PSMD5: variants seen among roughly 807,000 people sequenced by gnomAD.
The protein encoded by PSMD5 is 26S proteasome non-ATPase regulatory subunit 5.
Under a neutral mutation model 52.1 loss-of-function variants are expected in PSMD5, and 40 were observed. The ratio of observed to expected loss-of-function variants is 0.77; its 90% CI spans 0.60 to 1.00. The LOEUF is 1.00. Ranked by LOEUF, PSMD5 falls within the 50% of genes least tolerant of loss-of-function variation. The pLI is 0.00. For missense variants in PSMD5, 575 were observed against 605.2 expected (o/e 0.95, Z 0.52); for synonymous variants, 211 against 226.6 (o/e 0.93, Z 0.62).
At chr9:120,834,655 C>T (rs746384183) in intron 1 of PSMD5, among the ~76,000 whole-genome samples, 1 of 152,206 alleles carries the variant, frequency 6.6e-6, no homozygotes, top group African/African-American at 2.4e-5. Context: ...AAAAGATGCA[C>T]AGAAGCCAGA....
intron 6 of PSMD5, chr9:120,825,073 A>C (rs908415595): frequency 5.7e-5 from 9 of 159,132 alleles, no homozygotes; most frequent in Non-Finnish European, 1.1e-4. Context: ...AATTTCTGGA[A>C]GTGTTCAAGA....
Position 120,829,151 on chromosome 9 carries a change from C to T in PSMD5, c.619G>A (p.Gly207Arg). ...TCTCTCAGGAGCTGGGTTACCAATC[C>T]ACTTGTGGTACAGTAGTTTAAAGAT... is the stretch of plus-strand genomic sequence containing the variant. ...PESLNYCTTS[G>R]LVTQLLRELT... The change falls in exon 5 of 10, where the codon GGA (glycine) becomes AGA (arginine). Residue 207 changes from glycine (G) to arginine (R), a missense_variant. Gly to Arg is a moderately radical substitution (Grantham distance 125). Transcript: ENST00000210313. 1 of 1,608,588 alleles carries T rather than the reference C, an allele frequency of 6.2e-7. No homozygotes were observed. Among genetic ancestry groups the T allele is most frequent in the South Asian group, 1.1e-5 (1 of 90,184 alleles).
rs1435328184 is a variant in PSMD5 at position 120,817,605 on chromosome 9, T to C, written c.*301A>G. 3.4e-6 allele frequency: 1 copy of C among 290,840 alleles called. No individual in the cohort carries two copies. Among genetic ancestry groups the C allele is most frequent in the African/African-American group, 2.1e-5 (1 of 46,652 alleles). 18.0% of individuals were successfully genotyped at this position (290,840 alleles called of 1,614,324 possible). A position where few individuals can be genotyped will look rare whatever the true frequency, so the allele number is the denominator to read the frequency against. On this transcript the variant is annotated 3_prime_UTR_variant, in exon 10 of 10. Coordinates refer to ENST00000210313, the MANE Select transcript of PSMD5 (RefSeq NM_005047.4). The stretch of plus-strand genomic sequence containing the variant: ...GCTTTTAGATAAGATTGCATGTCCA[T>C]GAAAATTTTGAGGGAAGAAAAAAAC...
At position 120,831,962 on chromosome 9, in the gene PSMD5, CAG is replaced by C; in HGVS notation, c.319-19_319-18del. The C allele has an allele frequency of 6.2e-7, 1 of 1,609,392 alleles. No individual in the cohort carries two copies. Among genetic ancestry groups the C allele is most frequent in the Non-Finnish European group, 8.5e-7 (1 of 1,178,484 alleles). ...TCTTCCAATCTGAAAGAAAAACAAT[CAG>C]AAACACTCTTCTAAAGTAGGGCAAC... On this transcript the variant is annotated intron_variant, in intron 2 of 9. Coordinates refer to ENST00000210313, the MANE Select transcript of PSMD5 (RefSeq NM_005047.4).
intron 6 of PSMD5, among the ~76,000 whole-genome samples, chr9:120,825,477 G>A (rs2131424414): frequency 6.6e-6 from 1 of 152,026 alleles, no homozygotes; most frequent in East Asian, 1.9e-4. Context: ...AAAAATTTTG[G>A]AGGGAATGCA....
rs561631163 is a variant in PSMD5 at position 120,833,555 on chromosome 9, C to T, written c.174-99G>A. 4.9e-5 allele frequency: 63 copies of T among 1,275,432 alleles called. 1 individual carries two copies. The South Asian group carries it at 9.2e-4, about 19-fold the overall frequency. The allele number at this position is 1,275,432 out of a possible 1,614,324, so 79.0% of individuals were successfully genotyped here. A position where few individuals can be genotyped will look rare whatever the true frequency, so the allele number is the denominator to read the frequency against. On this transcript the variant is annotated intron_variant, in intron 1 of 9. Transcript: ENST00000210313. The stretch of plus-strand genomic sequence containing the variant: ...AGCTTGCGTCAGCGTCTCCTCCACA[C>T]AGACTTCTTTTTGAAACAGCAGCTT...
intron 1 of PSMD5, among the ~76,000 whole-genome samples, chr9:120,838,966 T>C (rs1399666397): frequency 2.0e-5 from 3 of 152,168 alleles, no homozygotes; most frequent in East Asian, 1.9e-4. Context: ...ACATAGGTAA[T>C]AGTGTCAATT....
chr9:120,819,644 C>G (rs1266544929), intron 9 of PSMD5, among the ~76,000 whole-genome samples: 1 of 152,158 alleles, frequency 6.6e-6, no homozygotes, highest in African/African-American at 2.4e-5. Context: ...ACCATCCTGG[C>G]TAACACAGTG....
chr9:120,820,560 A>C (rs185057873), intron 9 of PSMD5, among the ~76,000 whole-genome samples: 1 of 152,366 alleles, frequency 6.6e-6, no homozygotes, highest in East Asian at 1.9e-4. Flanking sequence ...GATTAGGAAG[A>C]CCAGGGCTAG....
chr9:120,837,181 G>A (rs1230156464), intron 1 of PSMD5, among the ~76,000 whole-genome samples: 1 of 151,330 alleles, frequency 6.6e-6, no homozygotes, highest in Non-Finnish European at 1.5e-5. Flanking sequence ...TAGCCACCGC[G>A]CCCAGCCAAT....
intron 1 of PSMD5, 94 bp from the exon 2 acceptor site, chr9:120,833,550 CCACA>C (rs1323805572): frequency 3.9e-6 from 5 of 1,298,074 alleles, no homozygotes; most frequent in Non-Finnish European, 5.3e-6. Flanking sequence ...AGCGTCTCCT[CCACA>C]CAGACTTCTT....
intron 1 of PSMD5, among the ~76,000 whole-genome samples, chr9:120,836,720 C>A (rs1169105963): frequency 6.6e-6 from 1 of 151,928 alleles, no homozygotes; most frequent in Admixed American, 6.6e-5. Flanking sequence ...TTGTTCAAAT[C>A]TTTGGCCCAT....
At position 120,816,842 on chromosome 9, in the gene PSMD5, T is replaced by TA. The variant is rs1255452214; in HGVS notation, c.*1063_*1064insT. The TA allele has an allele frequency of 6.6e-6, 1 of 152,170 alleles. No homozygotes were observed. Among genetic ancestry groups the TA allele is most frequent in the Non-Finnish European group, 1.5e-5 (1 of 68,034 alleles). The allele number at this position is 152,170 out of a possible 1,614,324, so 9.4% of individuals were successfully genotyped here. The stretch of plus-strand genomic sequence containing the variant: ...TATGTCCCTTCTGTTCTGAGTCTGT[T>TA]TATTAGGAGTAAGTTTCCCTTTCTC... On this transcript the variant is annotated 3_prime_UTR_variant, in exon 10 of 10. Coordinates refer to ENST00000210313, the MANE Select transcript of PSMD5 (RefSeq NM_005047.4).
intron 1 of PSMD5, among the ~76,000 whole-genome samples, chr9:120,837,236 C>A (rs1180190127): frequency 6.6e-6 from 1 of 152,066 alleles, no homozygotes; most frequent in Non-Finnish European, 1.5e-5. Flanking sequence ...GTTGGTCAGG[C>A]TGGTCTGAAA....
chr9:120,838,164 A>G (rs1163424998), intron 1 of PSMD5, among the ~76,000 whole-genome samples: 2 of 152,232 alleles, frequency 1.3e-5, no homozygotes, highest in African/African-American at 4.8e-5. Flanking sequence ...TCTGGGAGTG[A>G]AAGATACATT....
Position 120,824,675 on chromosome 9 carries a change from C to G in PSMD5, c.825G>C (p.Lys275Asn). 1 of 1,597,506 alleles carries G rather than the reference C, an allele frequency of 6.3e-7. No homozygotes were observed. Among genetic ancestry groups the G allele is most frequent in the Admixed American group, 1.8e-5 (1 of 55,486 alleles). Reference protein sequence around the residue: ...FSSFYLPGFVKFFGNLAVMDS... With the variant: ...FSSFYLPGFVNFFGNLAVMDS... The stretch of plus-strand genomic sequence containing the variant: ...CCATGACAGCCAGGTTTCCAAAAAA[C>G]TTCACGAATCCTAAAGAGATTTACA... Residue 275 changes from lysine to asparagine, a missense_variant, in exon 7 of 10, where the codon AAG becomes AAC. By Grantham distance (94) the Lys-to-Asn change is moderately conservative. Coordinates refer to ENST00000210313, the MANE Select transcript of PSMD5 (RefSeq NM_005047.4).
rs1001439360 is a variant in PSMD5, at chr9:120,826,762, T to A, written c.814+3A>T. 1 of 1,613,482 alleles carries A rather than the reference T, an allele frequency of 6.2e-7. No homozygotes were observed. Among genetic ancestry groups the A allele is most frequent in the African/African-American group, 1.3e-5 (1 of 75,026 alleles). On this transcript the variant is annotated splice_donor_region_variant and intron_variant, in intron 6 of 9. Coordinates refer to ENST00000210313, the MANE Select transcript of PSMD5 (RefSeq NM_005047.4). ...CATTTCCATAGGCATCAGTGTTCCT[T>A]ACCTGGCAGATAGAAGCTAGAGAAA...
At position 120,816,540 on chromosome 9, in the gene PSMD5, A is replaced by T. The variant is rs2045043934; in HGVS notation, c.*1366T>A. On this transcript the variant is annotated 3_prime_UTR_variant, in exon 10 of 10. Coordinates refer to ENST00000210313, the MANE Select transcript of PSMD5 (RefSeq NM_005047.4). The stretch of plus-strand genomic sequence containing the variant: ...GCATGGAAACACACACAAAAAACAG[A>T]GTCACGTTGCCAGGGGAGATGATCA... The T allele has an allele frequency of 6.6e-6, 1 of 152,212 alleles. No individual in the cohort carries two copies. Among genetic ancestry groups the T allele is most frequent in the African/African-American group, 2.4e-5 (1 of 41,448 alleles). 9.4% of individuals were successfully genotyped at this position (152,212 alleles called of 1,614,324 possible).
Position 120,833,975 on chromosome 9 carries a change from C to CTTT in PSMD5, c.174-522_174-520dup, listed in dbSNP as rs34657179. On this transcript the variant is annotated intron_variant, in intron 1 of 9. Transcript: ENST00000210313. ...ACAGGCTTGGGCCACCGCACCTGGC[C>CTTT]TTTTTTTTTTTTTTTTTTTTTTGAG... Among the ~76,000 whole-genome samples the CTTT allele has an allele frequency of 6.5e-4, 52 of 80,314 alleles. 1 individual carries two copies. Among genetic ancestry groups the CTTT allele is most frequent in the East Asian group, 1.3e-3 (3 of 2,368 alleles). The allele number at this position is 80,314 out of a possible 152,430, so 52.7% of individuals were successfully genotyped here.
Sources: allele counts gnomAD v4.1 joint callset (sites outside exome capture counted in the v4.1 genomes callset), GRCh38; gene constraint gnomAD v4.1.1; transcripts MANE v1.5; gene names NCBI Gene and HGNC (gene_info 2026-07-23, HGNC 2026-07-21).